Variants in AUTS2 observed in about 807,000 individuals in gnomAD.
The protein encoded by AUTS2 is autism susceptibility gene 2 protein.
A neutral mutation model predicts 112.4 loss-of-function variants in AUTS2; 17 were observed. That is an observed-to-expected ratio of 0.15 (90% CI 0.10 to 0.23). AUTS2 has a LOEUF of 0.23. AUTS2 is among the 10% of genes least tolerant of loss of function. AUTS2 has a pLI of 1.00. For missense variants in AUTS2, 1,510 were observed against 1,701.6 expected (o/e 0.89, Z 1.98); for synonymous variants, 751 against 702.7 (o/e 1.07, Z -1.09).
intron 4 of AUTS2, among the ~76,000 whole-genome samples, chr7:70,263,063 T>C (rs9942724): frequency 6.6e-6 from 1 of 152,310 alleles, no homozygotes; most frequent in African/African-American, 2.4e-5. Flanking sequence ...GGAAATATAT[T>C]TAATAAAAGT....
chr7:69,974,460 G>A (rs1584513336), intron 2 of AUTS2, among the ~76,000 whole-genome samples: 3 of 151,664 alleles, frequency 2.0e-5, no homozygotes, highest in African/African-American at 7.3e-5. Context: ...CCATCTGCAA[G>A]CTAGAAAACC....
chr7:70,737,406 C>T (rs772536794), intron 6 of AUTS2, among the ~76,000 whole-genome samples: 9 of 152,230 alleles, frequency 5.9e-5, no homozygotes, highest in Admixed American at 1.3e-4. Context: ...GAGAACCTCA[C>T]GTTTCTGATT....
intron 5 of AUTS2, among the ~76,000 whole-genome samples, chr7:70,477,313 A>C (rs1332712891): frequency 6.6e-6 from 1 of 152,120 alleles, no homozygotes; most frequent in Non-Finnish European, 1.5e-5. Context: ...ATTATCCGTC[A>C]TCTTGTTTGA....
intron 1 of AUTS2, among the ~76,000 whole-genome samples, chr7:69,801,752 A>C (rs1790094559): frequency 6.6e-6 from 1 of 152,184 alleles, no homozygotes. Flanking sequence ...ACAACAGTGA[A>C]CAAAACAGAC....
chr7:70,689,428 C>T (rs1808635230), intron 5 of AUTS2, among the ~76,000 whole-genome samples: 2 of 151,902 alleles, frequency 1.3e-5, no homozygotes, highest in Non-Finnish European at 2.9e-5. Flanking sequence ...AAGCTATCCA[C>T]TGTCCAGGTT....
At chr7:70,454,982 C>T (rs1796676219) in intron 5 of AUTS2, among the ~76,000 whole-genome samples, 1 of 152,212 alleles carries the variant, frequency 6.6e-6, no homozygotes, top group South Asian at 2.1e-4. Flanking sequence ...TAGCCTAAAG[C>T]CAGGTGGAGG....
At position 70,053,544 on chromosome 7, in the gene AUTS2, G is replaced by GTTTTTTTTTTTTTTTTTTTT. The variant is rs200867539; in HGVS notation, c.523-64576_523-64575insTTTTTTTTTTTTTTTTTTTT. Among the ~76,000 whole-genome samples the GTTTTTTTTTTTTTTTTTTTT allele has an allele frequency of 2.9e-4, 37 of 127,836 alleles. 1 individual carries two copies. Among genetic ancestry groups the GTTTTTTTTTTTTTTTTTTTT allele is most frequent in the African/African-American group, 5.3e-4 (17 of 32,322 alleles). 83.9% of individuals were successfully genotyped at this position (127,836 alleles called of 152,430 possible). The stretch of plus-strand genomic sequence containing the variant: ...ATTGTGGCAACCACTGTTTTGGGTG[G>GTTTTTTTTTTTTTTTTTTTT]TTTTTTTTTTTTGGAGACAGGATCT... On this transcript the variant is annotated intron_variant, in intron 2 of 18. Coordinates refer to ENST00000342771, the MANE Select transcript of AUTS2 (RefSeq NM_015570.4).
At chr7:70,775,201 T>C (rs1790609212) in intron 12 of AUTS2, 156 bp from the exon 13 acceptor site, 5 of 657,852 alleles carry the variant, frequency 7.6e-6, no homozygotes, top group Middle Eastern at 2.8e-4. Flanking sequence ...CTTTTGATAG[T>C]GTGAAAATGG....
Position 70,766,437 on chromosome 7 carries a change from G to A in AUTS2, c.1689+103G>A. ...GCAGCGGGGCCACCAGAGATCGAATGGGGACTGACGGCTGTTGGCTGGAGA... is the reference window on the plus strand; with the variant it reads ...GCAGCGGGGCCACCAGAGATCGAATAGGGACTGACGGCTGTTGGCTGGAGA... On this transcript the variant is annotated intron_variant, in intron 9 of 18. Transcript: ENST00000342771. This position sits in a 1 kb window ranked among gnomAD's most constrained non-coding sequence, Gnocchi z 4.8. 3 of 1,396,858 alleles carry A rather than the reference G, an allele frequency of 2.1e-6. No individual in the cohort carries two copies. The highest frequency in any genetic ancestry group is 3.0e-6 in the Non-Finnish European group (3 of 1,011,910). The allele number at this position is 1,396,858 out of a possible 1,614,324, so 86.5% of individuals were successfully genotyped here. A position where few individuals can be genotyped will look rare whatever the true frequency, so the allele number is the denominator to read the frequency against.
At chr7:70,151,715 G>A (rs534291297) in intron 4 of AUTS2, among the ~76,000 whole-genome samples, 2 of 152,242 alleles carry the variant, frequency 1.3e-5, no homozygotes, top group East Asian at 3.9e-4. Context: ...GCTTCCCAAA[G>A]AGCTGGGATT....
At chr7:70,421,925 G>C (rs1795240396) in intron 4 of AUTS2, among the ~76,000 whole-genome samples, 2 of 152,302 alleles carry the variant, frequency 1.3e-5, no homozygotes, top group Middle Eastern at 3.4e-3. Flanking sequence ...TTTTCTTGCA[G>C]ACAATTTATA....
chr7:70,667,071 AAC>A (rs1807389932), intron 5 of AUTS2, among the ~76,000 whole-genome samples: 1 of 152,146 alleles, frequency 6.6e-6, no homozygotes, highest in Admixed American at 6.5e-5. Context: ...ACTTTGTGCA[AAC>A]ACAGTGTTGT....
At chr7:70,114,308 A>G (rs769688278) in intron 2 of AUTS2, among the ~76,000 whole-genome samples, 15 of 152,352 alleles carry the variant, frequency 9.8e-5, no homozygotes, top group Non-Finnish European at 2.1e-4. Flanking sequence ...AATAGCTGCC[A>G]TGGATGCTCA....
intron 5 of AUTS2, among the ~76,000 whole-genome samples, chr7:70,534,907 G>GA (rs954680908): frequency 1.2e-4 from 18 of 150,442 alleles, no homozygotes; most frequent in South Asian, 2.1e-4. Flanking sequence ...ACGAACTGGT[G>GA]AAAAAAAAAT....
chr7:69,630,808 A>AGTGG (rs1794195439), intron 1 of AUTS2, among the ~76,000 whole-genome samples: 1 of 152,152 alleles, frequency 6.6e-6, no homozygotes, highest in Non-Finnish European at 1.5e-5. Context: ...AGTCTCTTGG[A>AGTGG]GTGGGACCCA....
intron 5 of AUTS2, among the ~76,000 whole-genome samples, chr7:70,697,331 C>T (rs111338740): frequency 2.6e-5 from 4 of 152,254 alleles, no homozygotes; most frequent in African/African-American, 9.6e-5. Flanking sequence ...ATTGGTTAAT[C>T]ATATGGACAC....
intron 1 of AUTS2, among the ~76,000 whole-genome samples, chr7:69,798,945 G>A (rs1193983212): frequency 6.6e-6 from 1 of 151,626 alleles, no homozygotes; most frequent in Non-Finnish European, 1.5e-5. Flanking sequence ...GAGCTTTAAT[G>A]GCACCACTGC....
At chr7:70,671,087 G>T (rs1044731050) in intron 5 of AUTS2, among the ~76,000 whole-genome samples, 1 of 152,236 alleles carries the variant, frequency 6.6e-6, no homozygotes, top group African/African-American at 2.4e-5. Flanking sequence ...CAGGATAATT[G>T]CTTGAACCTG....
intron 2 of AUTS2, among the ~76,000 whole-genome samples, chr7:69,986,110 A>G (rs1407894003): frequency 4.6e-5 from 7 of 152,096 alleles, no homozygotes; most frequent in African/African-American, 1.7e-4. Flanking sequence ...TATCTTCTTA[A>G]TACCACTTAT....
Sources: allele counts gnomAD v4.1 joint callset (sites outside exome capture counted in the v4.1 genomes callset), GRCh38; gene constraint gnomAD v4.1.1; non-coding constraint Gnocchi (gnomAD v3.1); transcripts MANE v1.5; gene names NCBI Gene and HGNC (gene_info 2026-07-23, HGNC 2026-07-21).